RAD18: variants seen among roughly 807,000 people sequenced by gnomAD.
The protein encoded by RAD18 is RAD18 E3 ubiquitin protein ligase.
In RAD18, 47 loss-of-function variants were observed where a neutral mutation model predicts 60.4. The ratio of observed to expected loss-of-function variants is 0.78; its 90% CI spans 0.62 to 0.99. The LOEUF (loss-of-function observed/expected upper bound fraction) is 0.99, where lower values mean the gene tolerates loss of function less well. RAD18 is among the 50% of genes least tolerant of loss of function. The pLI, the probability that RAD18 is intolerant of heterozygous loss-of-function variation, is 0.00. For missense variants in RAD18, 640 were observed against 593.3 expected (o/e 1.08, Z -0.82); for synonymous variants, 225 against 195.5 (o/e 1.15, Z -1.26).
At chr3:8,899,648 T>C (rs1038808992) in intron 10 of RAD18, among the ~76,000 whole-genome samples, 12 of 151,570 alleles carry the variant, frequency 7.9e-5, no homozygotes, top group Admixed American at 2.0e-4. Flanking sequence ...CAGATAAAAA[T>C]AAAGACCCCA....
At chr3:8,897,823 T>C (rs1939818353) in intron 11 of RAD18, among the ~76,000 whole-genome samples, 1 of 151,976 alleles carries the variant, frequency 6.6e-6, no homozygotes, top group East Asian at 1.9e-4. Context: ...TCCAGCACTT[T>C]GGGAGGCCGA....
intron 4 of RAD18, among the ~76,000 whole-genome samples, chr3:8,944,458 C>T (rs900503802): frequency 2.6e-5 from 4 of 151,816 alleles, no homozygotes; most frequent in African/African-American, 9.7e-5. Flanking sequence ...ATCCCTTGAG[C>T]CCAAGAGTTC....
In RAD18 at chr3:8,902,405, T is replaced by C. The variant is rs1939927761; in HGVS notation, c.1143A>G (p.Thr381=). 6.8e-6 allele frequency: 11 copies of C among 1,606,482 alleles called. No individual in the cohort carries two copies. The highest frequency in any genetic ancestry group is 2.7e-5 in the African/African-American group (2 of 74,486). ...CCATGCATACAGAAGATAGCTTTTC[T>C]GTAGATTCATCTTCTTTTGTTATTG... ...TVTITKEDES[T]EKLSSVCMGQ... is the part of the protein sequence containing the mutation. Residue 381 remains threonine, a synonymous_variant, in exon 10 of 13, where the codon ACA becomes ACG. Coordinates refer to ENST00000264926, the MANE Select transcript of RAD18 (RefSeq NM_020165.4).
rs905856560 is a variant in RAD18, at chr3:8,896,647, C to T, written c.1322+2247G>A. Among the ~76,000 whole-genome samples the T allele has an allele frequency of 2.0e-5, 3 of 152,196 alleles. No individual in the cohort carries two copies. In the South Asian group the frequency reaches 6.2e-4, roughly 32 times the overall value. ...ATGTCCCACCTATTCAACTGTTCAACGGTGTATTCATATAATAAAAGCTAA... is the reference window on the plus strand; with the variant it reads ...ATGTCCCACCTATTCAACTGTTCAATGGTGTATTCATATAATAAAAGCTAA... On this transcript the variant is annotated intron_variant, in intron 11 of 12. Coordinates refer to ENST00000264926, the MANE Select transcript of RAD18 (RefSeq NM_020165.4).
intron 12 of RAD18, among the ~76,000 whole-genome samples, chr3:8,887,840 G>A (rs1939596967): frequency 6.6e-6 from 1 of 152,142 alleles, no homozygotes; most frequent in South Asian, 2.1e-4. Flanking sequence ...GCCCCTGCTG[G>A]CATAAGGAGA....
chr3:8,947,223 G>A lies in RAD18; in HGVS notation c.263C>T (p.Ala88Val), dbSNP rs868546219. 3.8e-6 allele frequency: 6 copies of A among 1,597,828 alleles called. No individual in the cohort carries two copies. Among genetic ancestry groups the A allele is most frequent in the Non-Finnish European group, 5.1e-6 (6 of 1,166,056 alleles). The stretch of plus-strand genomic sequence containing the variant: ...TAGTCACAAAATTAAATCATACCGT[G>A]CAAAATTCAAGCTTTTTACCAGTTC... Reference protein sequence around the residue: ...LDELVKSLNFARNHLLQFALE... With the variant: ...LDELVKSLNFVRNHLLQFALE... The change falls in exon 4 of 13, where the codon GCA (alanine) becomes GTA (valine). Residue 88 changes from alanine (A) to valine (V), a missense_variant. By Grantham distance (64) the Ala-to-Val change is moderately conservative. Transcript: ENST00000264926.
intron 12 of RAD18, among the ~76,000 whole-genome samples, chr3:8,886,711 G>C (rs1433943146): frequency 6.6e-6 from 1 of 152,208 alleles, no homozygotes; most frequent in Non-Finnish European, 1.5e-5. Context: ...ATGAAGAAAG[G>C]AATGTCAACT....
At chr3:8,943,165 A>G (rs1940783575) in intron 4 of RAD18, among the ~76,000 whole-genome samples, 1 of 152,228 alleles carries the variant, frequency 6.6e-6, no homozygotes, top group Non-Finnish European at 1.5e-5. Flanking sequence ...AGCTTCTACA[A>G]CGTTTCAACC....
chr3:8,894,934 T>C (rs1276295748), intron 11 of RAD18, among the ~76,000 whole-genome samples: 2 of 152,050 alleles, frequency 1.3e-5, no homozygotes, highest in East Asian at 3.9e-4. Context: ...CTAATTTTTA[T>C]ATTTTTAGTA....
chr3:8,907,483 G>GA (rs1259148072), intron 9 of RAD18, among the ~76,000 whole-genome samples: 5 of 152,160 alleles, frequency 3.3e-5, no homozygotes, highest in Non-Finnish European at 7.4e-5. Flanking sequence ...GGCCCTAAGT[G>GA]AAAACAGCTG....
intron 4 of RAD18, among the ~76,000 whole-genome samples, chr3:8,945,651 T>C (rs1940827828): frequency 6.6e-6 from 1 of 151,908 alleles, no homozygotes; most frequent in Non-Finnish European, 1.5e-5. Flanking sequence ...TTTGTATTTT[T>C]AGTAGAGACA....
Position 8,939,706 on chromosome 3 carries a change from A to G in RAD18, c.605-53T>C, listed in dbSNP as rs17049829. On this transcript the variant is annotated intron_variant, in intron 5 of 12. Coordinates refer to ENST00000264926, the MANE Select transcript of RAD18 (RefSeq NM_020165.4). ...ACTTTATTAATTGTAGAAGGGGCAA[A>G]AGTATGTAAACTGGCATCTTTTCAG... 4.0e-3 allele frequency: 5,855 copies of G among 1,450,710 alleles called. 184 individuals carry two copies. In the African/African-American group the frequency reaches 0.074, roughly 18 times the overall value. The allele number at this position is 1,450,710 out of a possible 1,614,324, so 89.9% of individuals were successfully genotyped here. A position where few individuals can be genotyped will look rare whatever the true frequency, so the allele number is the denominator to read the frequency against.
rs1427780568 is a variant in RAD18 at position 8,958,993 on chromosome 3, A to G, written c.60T>C (p.Asp20=). Residue 20 remains aspartate, a synonymous_variant, in exon 2 of 13, where the codon GAT becomes GAC. Transcript: ENST00000264926. ...PPGLAVMKTI[D]DLLRCGICFE... is the part of the protein sequence containing the mutation. The stretch of plus-strand genomic sequence containing the variant: ...AGCAAATTCCACACCGCAGCAAATC[A>G]TCTATTGTCTGAAATGCAAATATGC... The G allele has an allele frequency of 6.2e-7, 1 of 1,613,558 alleles. No homozygotes were observed. The highest frequency in any genetic ancestry group is 8.5e-7 in the Non-Finnish European group (1 of 1,179,524).
chr3:8,918,833 C>A (rs1051910322), intron 7 of RAD18, among the ~76,000 whole-genome samples: 7 of 152,194 alleles, frequency 4.6e-5, no homozygotes, highest in Non-Finnish European at 1.0e-4. Flanking sequence ...GACTTCTACC[C>A]ATCAACCAGA....
chr3:8,883,901 T>A (rs931913551), intron 12 of RAD18, among the ~76,000 whole-genome samples: 1 of 152,154 alleles, frequency 6.6e-6, no homozygotes, highest in African/African-American at 2.4e-5. Flanking sequence ...CACCCTTAGA[T>A]AAAAGGCTTT....
At chr3:8,899,532 GA>G (rs1429810795) in intron 10 of RAD18, among the ~76,000 whole-genome samples, 1 of 152,064 alleles carries the variant, frequency 6.6e-6, no homozygotes, top group Non-Finnish European at 1.5e-5. Flanking sequence ...ATTCTCTATG[GA>G]AAAGGACAAC....
chr3:8,900,311 C>G (rs964600880), intron 10 of RAD18, among the ~76,000 whole-genome samples: 1 of 152,152 alleles, frequency 6.6e-6, no homozygotes, highest in African/African-American at 2.4e-5. Context: ...TTAAGAGGAG[C>G]CAATCCCCCA....
intron 12 of RAD18, among the ~76,000 whole-genome samples, chr3:8,887,304 T>C (rs1035939597): frequency 2.0e-5 from 3 of 151,650 alleles, no homozygotes; most frequent in Admixed American, 6.6e-5. Flanking sequence ...TAAGGGAGAG[T>C]GAGAAGTTTA....
At position 8,879,415 on chromosome 3, in the gene RAD18, T is replaced by C. The variant is rs193268375; in HGVS notation, c.*1942A>G. On this transcript the variant is annotated 3_prime_UTR_variant, in exon 13 of 13. Coordinates refer to ENST00000264926, the MANE Select transcript of RAD18 (RefSeq NM_020165.4). The stretch of plus-strand genomic sequence containing the variant: ...TCATGTGCACACAGAGAAAAGACCA[T>C]GCAAGGACACCATGAGTGGAAGCCA... 3 of 152,206 alleles carry C rather than the reference T, an allele frequency of 2.0e-5. No individual in the cohort carries two copies. The highest frequency in any genetic ancestry group is 4.4e-5 in the Non-Finnish European group (3 of 68,088). The allele number at this position is 152,206 out of a possible 1,614,324, so 9.4% of individuals were successfully genotyped here. A position where few individuals can be genotyped will look rare whatever the true frequency, so the allele number is the denominator to read the frequency against.
Sources: allele counts gnomAD v4.1 joint callset (sites outside exome capture counted in the v4.1 genomes callset), GRCh38; gene constraint gnomAD v4.1.1; transcripts MANE v1.5; gene names NCBI Gene and HGNC (gene_info 2026-07-23, HGNC 2026-07-21).